Variants in RIMS1 observed in about 807,000 individuals in gnomAD.
RIMS1 encodes the protein regulating synaptic membrane exocytosis 1, also known as regulating synaptic membrane exocytosis protein 1.
A neutral mutation model predicts 214.1 loss-of-function variants in RIMS1; 83 were observed. The observed-to-expected ratio is 0.39, with a 90% CI of 0.32 to 0.47. RIMS1 has a LOEUF of 0.47. Among genes scored for constraint, RIMS1 ranks in the 20% least tolerant of loss-of-function variants. The pLI, the probability that RIMS1 is intolerant of heterozygous loss-of-function variation, is 0.99. For synonymous variants in RIMS1, 793 were observed against 786.8 expected (o/e 1.01, Z -0.13); for missense variants, 2,050 against 2,161.8 (o/e 0.95, Z 1.03).
intron 1 of RIMS1, among the ~76,000 whole-genome samples, chr6:71,909,836 A>G (rs930324364): frequency 1.3e-5 from 2 of 152,124 alleles, no homozygotes; most frequent in Non-Finnish European, 2.9e-5. Flanking sequence ...GCCTTTTATT[A>G]AATACAGTTT....
intron 2 of RIMS1, among the ~76,000 whole-genome samples, chr6:72,045,635 A>T (rs965949620): frequency 6.6e-6 from 1 of 152,034 alleles, no homozygotes; most frequent in Non-Finnish European, 1.5e-5. Flanking sequence ...AATTTTCATG[A>T]CAGTGACTAT....
At chr6:72,089,575 G>C (rs1300762095) in intron 2 of RIMS1, among the ~76,000 whole-genome samples, 3 of 151,994 alleles carry the variant, frequency 2.0e-5, no homozygotes, top group Non-Finnish European at 2.9e-5. Flanking sequence ...AGCCTCCTGA[G>C]TAGCTGGGTC....
At chr6:71,967,621 A>G (rs1277265038) in intron 1 of RIMS1, among the ~76,000 whole-genome samples, 4 of 152,150 alleles carry the variant, frequency 2.6e-5, no homozygotes, top group Non-Finnish European at 4.4e-5. Context: ...GAAAGAACAC[A>G]AGGCTTTGTG....
chr6:72,003,052 G>C (rs547470260), intron 2 of RIMS1, among the ~76,000 whole-genome samples: 42 of 152,088 alleles, frequency 2.8e-4, no homozygotes, highest in Non-Finnish European at 4.7e-4. Context: ...CAGCTTACAG[G>C]GTGGCCAGAT....
chr6:72,180,812 C>G (rs747650034), intron 5 of RIMS1, among the ~76,000 whole-genome samples: 1 of 152,100 alleles, frequency 6.6e-6, no homozygotes, highest in African/African-American at 2.4e-5. Flanking sequence ...TTTTGAACCC[C>G]TTTTCAAGCA....
intron 4 of RIMS1, among the ~76,000 whole-genome samples, chr6:72,132,370 C>T (rs547846027): frequency 6.6e-6 from 1 of 152,256 alleles, no homozygotes; most frequent in South Asian, 2.1e-4. Context: ...TTCAGTCAGT[C>T]CCTCTGTTTG....
chr6:72,109,713 C>T (rs2035616527), intron 4 of RIMS1, among the ~76,000 whole-genome samples: 3 of 152,202 alleles, frequency 2.0e-5, no homozygotes, highest in Admixed American at 2.0e-4. Flanking sequence ...TAATTAGATC[C>T]CATTTGTCAA....
intron 1 of RIMS1, among the ~76,000 whole-genome samples, chr6:71,954,814 CA>C (rs1359855113): frequency 6.6e-6 from 1 of 150,866 alleles, no homozygotes; most frequent in African/African-American, 2.4e-5. Flanking sequence ...CAACTCAAAC[CA>C]AGCTATAAAA....
rs554598164 is a variant in RIMS1, at chr6:72,308,434, A to T, written c.3963+1064A>T. On this transcript the variant is annotated intron_variant, in intron 27 of 33. Transcript: ENST00000521978. ...ATTTAATATCAACAAACTCTTTGGG[A>T]GGTAATAAGCTATTAGAAATCAAAA... 3.8e-4 allele frequency among the ~76,000 whole-genome samples: 58 copies of T among 152,204 alleles called. 1 individual carries two copies. The highest frequency in any genetic ancestry group is 1.3e-3 in the African/African-American group (56 of 41,540).
intron 4 of RIMS1, among the ~76,000 whole-genome samples, chr6:72,109,916 A>C (rs1384112440): frequency 6.6e-6 from 1 of 152,146 alleles, no homozygotes; most frequent in Non-Finnish European, 1.5e-5. Flanking sequence ...AGCTTTCTAC[A>C]TATGGCTAGC....
chr6:71,922,667 A>T (rs1780366784), intron 1 of RIMS1, among the ~76,000 whole-genome samples: 1 of 152,226 alleles, frequency 6.6e-6, no homozygotes, highest in Non-Finnish European at 1.5e-5. Flanking sequence ...GAAGTAAGGT[A>T]TAAAAAAGGA....
intron 2 of RIMS1, among the ~76,000 whole-genome samples, chr6:72,028,084 G>A (rs1817050288): frequency 6.6e-6 from 1 of 152,108 alleles, no homozygotes; most frequent in Non-Finnish European, 1.5e-5. Flanking sequence ...ATTAAATGGA[G>A]GGAAACATAT....
chr6:72,237,675 C>CAA (rs879121321), intron 8 of RIMS1, 148 bp from the exon 9 acceptor site: 1,877 of 507,620 alleles, frequency 3.7e-3, no homozygotes, highest in South Asian at 4.2e-3. Context: ...GATCCCATCT[C>CAA]AAAAAAAAAA....
chr6:71,915,953 CTTATTCA>C (rs1554204602), intron 1 of RIMS1, among the ~76,000 whole-genome samples: 3 of 151,984 alleles, frequency 2.0e-5, no homozygotes, highest in Non-Finnish European at 4.4e-5. Flanking sequence ...TCTCATGAGA[CTTATTCA>C]TTATCATGAG....
chr6:72,267,314 G>A (rs140543428), intron 22 of RIMS1, among the ~76,000 whole-genome samples: 1 of 151,986 alleles, frequency 6.6e-6, no homozygotes, highest in African/African-American at 2.4e-5. Context: ...ATATGTTTCT[G>A]GTTAGTAGTA....
intron 6 of RIMS1, among the ~76,000 whole-genome samples, chr6:72,196,048 G>A (rs2050804581): frequency 6.6e-6 from 1 of 152,102 alleles, no homozygotes; most frequent in African/African-American, 2.4e-5. Flanking sequence ...ATTGATACAT[G>A]TGGATCATGG....
At chr6:71,986,045 T>G (rs970751146) in intron 2 of RIMS1, among the ~76,000 whole-genome samples, 18 of 152,324 alleles carry the variant, frequency 1.2e-4, no homozygotes, top group African/African-American at 3.6e-4. Flanking sequence ...CTCATGAAAT[T>G]TAAGTTTCAG....
In RIMS1 at chr6:72,188,368, C is replaced by T. The variant is rs572796645; in HGVS notation, c.1678+5219C>T. Among the ~76,000 whole-genome samples the T allele has an allele frequency of 5.3e-5, 8 of 152,312 alleles. No individual in the cohort carries two copies. In the South Asian group the frequency reaches 8.3e-4, roughly 16 times the overall value. ...TGCCGAACATAATACAACTATCCTT[C>T]GTACAACCAGAAAGTACCAATCCCC... On this transcript the variant is annotated intron_variant, in intron 6 of 33. Coordinates refer to ENST00000521978, the MANE Select transcript of RIMS1 (RefSeq NM_014989.7).
chr6:72,380,110 A>G (rs1052937064), intron 29 of RIMS1, among the ~76,000 whole-genome samples: 4 of 152,166 alleles, frequency 2.6e-5, no homozygotes, highest in East Asian at 1.9e-4. Flanking sequence ...ACATGGATGA[A>G]GCTGGAAACC....
Sources: allele counts gnomAD v4.1 joint callset (sites outside exome capture counted in the v4.1 genomes callset), GRCh38; gene constraint gnomAD v4.1.1; transcripts MANE v1.5; gene names NCBI Gene and HGNC (gene_info 2026-07-23, HGNC 2026-07-21).